MGAT5B: variants seen among roughly 807,000 people sequenced by gnomAD.
The protein encoded by MGAT5B is N-acetylglucosaminyl-transferase Vb.
A neutral mutation model predicts 95.1 loss-of-function variants in MGAT5B; 54 were observed. The ratio of observed to expected loss-of-function variants is 0.57; its 90% CI spans 0.46 to 0.71. The LOEUF (loss-of-function observed/expected upper bound fraction) is 0.71. Among genes scored for constraint, MGAT5B ranks in the 30% least tolerant of loss-of-function variants. The probability of loss-of-function intolerance (pLI) is 0.00; values close to 1 mark genes in which losing one functional copy is unlikely to be tolerated. For synonymous variants in MGAT5B, 464 were observed against 451.0 expected (o/e 1.03, Z -0.36); for missense variants, 935 against 1,088.6 (o/e 0.86, Z 1.99).
chr17:76,932,120 T>TCC (rs1388147820), intron 10 of MGAT5B, among the ~76,000 whole-genome samples: 3 of 118,876 alleles, frequency 2.5e-5, no homozygotes, highest in South Asian at 3.3e-4. Context: ...CTTCGTCTTC[T>TCC]TTGTCTTCTC....
intron 12 of MGAT5B, 99 bp downstream of exon 12, chr17:76,933,396 C>G (rs1353882216): frequency 6.7e-6 from 10 of 1,490,602 alleles, no homozygotes; most frequent in Non-Finnish European, 9.2e-6. Flanking sequence ...TCTCCTGACT[C>G]AGGCTCTCTG....
intron 3 of MGAT5B, among the ~76,000 whole-genome samples, chr17:76,893,660 T>G (rs1967962927): frequency 1.3e-5 from 2 of 152,148 alleles, no homozygotes; most frequent in South Asian, 4.1e-4. Flanking sequence ...AATTCAAGGT[T>G]TGTACCCTGG....
intron 13 of MGAT5B, among the ~76,000 whole-genome samples, chr17:76,939,006 C>T (rs1026170070): frequency 1.4e-4 from 20 of 144,392 alleles, no homozygotes; most frequent in African/African-American, 3.8e-4. Context: ...CTCACCATAG[C>T]TTGTTTCCCA....
In MGAT5B at chr17:76,940,388, C is replaced by A; in HGVS notation, c.1585-14C>A. ...CCCAGCCCTCCCTGATCACTGCGCC[C>A]CTTGACTCTGCAGCTCTTCATCGGG... On this transcript the variant is annotated splice_polypyrimidine_tract_variant and intron_variant, in intron 13 of 17. Coordinates refer to ENST00000569840, the MANE Select transcript of MGAT5B (RefSeq NM_001199172.2). The surrounding 1 kb of genome is among the most constrained non-coding windows in gnomAD (Gnocchi z 4.3). 6.3e-7 allele frequency: 1 copy of A among 1,589,768 alleles called. No homozygotes were observed. Among genetic ancestry groups the A allele is most frequent in the Non-Finnish European group, 8.6e-7 (1 of 1,167,014 alleles).
rs1437274981 is a variant in MGAT5B at position 76,918,292 on chromosome 17, C to A, written c.1026-6674C>A. 6.6e-6 allele frequency among the ~76,000 whole-genome samples: 1 copy of A among 151,756 alleles called. No homozygotes were observed. On this transcript the variant is annotated intron_variant, in intron 8 of 17. Transcript: ENST00000569840. The surrounding 1 kb of genome is among the most constrained non-coding windows in gnomAD (Gnocchi z 5.1). ...CTGTGCCTCCATCTGCCTTTGGACT[C>A]CCTTTTCCTCTGAGCCAGGGACCCT...
intron 12 of MGAT5B, among the ~76,000 whole-genome samples, chr17:76,936,532 G>A (rs1484557986): frequency 2.6e-5 from 4 of 152,176 alleles, no homozygotes; most frequent in African/African-American, 9.7e-5. Context: ...CTAACCCAAG[G>A]TTACAAAGAT....
At chr17:76,903,247 C>A in intron 4 of MGAT5B, 56 bp from the exon 5 acceptor site, 1 of 1,419,218 alleles carries the variant, frequency 7.0e-7, no homozygotes, top group Non-Finnish European at 9.7e-7. Flanking sequence ...CGCAGGCCTC[C>A]CTCCCTGGGC....
rs537320299 is a variant in MGAT5B at position 76,948,196 on chromosome 17, G to A, written c.2180+110G>A. Reference sequence around the variant, plus strand: ...GCCCTCAGCCCTGCCAGTGTGGGGGGATGTAATGCTTTCCAATGAGTCAGG... The same window carrying A: ...GCCCTCAGCCCTGCCAGTGTGGGGGAATGTAATGCTTTCCAATGAGTCAGG... On this transcript the variant is annotated intron_variant, in intron 17 of 17. Transcript: ENST00000569840. 6.1e-5 allele frequency: 88 copies of A among 1,451,110 alleles called. No individual in the cohort carries two copies. The Admixed American group carries it at 1.6e-3, about 27-fold the overall frequency. The allele number at this position is 1,451,110 out of a possible 1,614,324, so 89.9% of individuals were successfully genotyped here. A position where few individuals can be genotyped will look rare whatever the true frequency, so the allele number is the denominator to read the frequency against.
intron 8 of MGAT5B, 60 bp from the exon 9 acceptor site, chr17:76,924,906 G>C: frequency 6.3e-7 from 1 of 1,599,378 alleles, no homozygotes. Flanking sequence ...AAGGAACTGG[G>C]GTGGCCGGTT....
rs1007019672 is a variant in MGAT5B at position 76,915,393 on chromosome 17, C to T, written c.1025+9206C>T. ...TCTCTGACGGTTTCTATTTTATCTT[C>T]GATGCCGGAGGGGAGAGCATTTCCC... On this transcript the variant is annotated intron_variant, in intron 8 of 17. Coordinates refer to ENST00000569840, the MANE Select transcript of MGAT5B (RefSeq NM_001199172.2). The surrounding 1 kb of genome is among the most constrained non-coding windows in gnomAD (Gnocchi z 8.7). Among the ~76,000 whole-genome samples, 24 of 152,094 alleles carry T rather than the reference C, an allele frequency of 1.6e-4. No individual in the cohort carries two copies. The highest frequency in any genetic ancestry group is 7.7e-4 in the East Asian group (4 of 5,162).
chr17:76,948,593 GC>G, intron 17 of MGAT5B, 46 bp from the exon 18 acceptor site: 1 of 1,563,684 alleles, frequency 6.4e-7, no homozygotes, highest in East Asian at 2.3e-5. Flanking sequence ...CAGCCCTTCT[GC>G]CCAAGTGACC....
chr17:76,942,677 A>G (rs1969898757), intron 15 of MGAT5B, among the ~76,000 whole-genome samples: 4 of 152,226 alleles, frequency 2.6e-5, no homozygotes, highest in Admixed American at 2.0e-4. Flanking sequence ...ACCTCAGTGC[A>G]TAGGAAAGAA....
Position 76,947,871 on chromosome 17 carries a change from C to A in MGAT5B, c.1965C>A (p.His655Gln), listed in dbSNP as rs145474400. 2 of 1,597,572 alleles carry A rather than the reference C, an allele frequency of 1.3e-6. No homozygotes were observed. The highest frequency in any genetic ancestry group is 1.7e-4 in the Middle Eastern group (1 of 5,934). ...CAGACCCTGCCCTACCAGAGGCCCA[C>A]GCCCCGCAGAGCCCCTTTGTCCTGG... ...RAPDPALPEA[H>Q]APQSPFVLAP... Residue 655 changes from histidine (H) to glutamine (Q), a missense_variant, in exon 17 of 18, where the codon CAC (histidine) becomes CAA (glutamine). Physicochemically the swap from His to Gln is conservative, Grantham distance 24. Coordinates refer to ENST00000569840, the MANE Select transcript of MGAT5B (RefSeq NM_001199172.2).
At chr17:76,887,648 G>A (rs546190023) in intron 3 of MGAT5B, among the ~76,000 whole-genome samples, 1 of 150,268 alleles carries the variant, frequency 6.7e-6, no homozygotes, top group African/African-American at 2.4e-5. Context: ...CCGCCTCCAG[G>A]GTTCAAGCAA....
rs1323416707 is a variant in MGAT5B at position 76,926,743 on chromosome 17, C to A, written c.1291+13C>A. On this transcript the variant is annotated intron_variant, in intron 10 of 17. Transcript: ENST00000569840. ...ATGACCATGTTTCGTGAGTGCCCCA[C>A]AGGGCAGGGGTGGGGTCGGAGGTCC... is the stretch of plus-strand genomic sequence containing the variant. The A allele has an allele frequency of 6.2e-7, 1 of 1,612,132 alleles. No homozygotes were observed. The highest frequency in any genetic ancestry group is 8.5e-7 in the Non-Finnish European group (1 of 1,179,658).
At position 76,869,376 on chromosome 17, in the gene MGAT5B, CG is replaced by C. The variant is rs1227159288; in HGVS notation, c.68+280del. ...GAATGGGGGCAGAAAACCCCCAGGTCGTGGTCCTGGGCCCAGAAAGTTGCCC... is the reference window on the plus strand; with the variant it reads ...GAATGGGGGCAGAAAACCCCCAGGTCTGGTCCTGGGCCCAGAAAGTTGCCC... On this transcript the variant is annotated intron_variant, in intron 1 of 17. Coordinates refer to ENST00000569840, the MANE Select transcript of MGAT5B (RefSeq NM_001199172.2). This position sits in a 1 kb window ranked among gnomAD's most constrained non-coding sequence, Gnocchi z 7.0. Among the ~76,000 whole-genome samples, 1 of 152,044 alleles carries C rather than the reference CG, an allele frequency of 6.6e-6. No homozygotes were observed. The highest frequency in any genetic ancestry group is 1.9e-4 in the East Asian group (1 of 5,148).
chr17:76,939,029 GGTGTGTGTGTGTGTGTGTGT>G (rs372571720), intron 13 of MGAT5B, among the ~76,000 whole-genome samples: 2 of 128,188 alleles, frequency 1.6e-5, no homozygotes, highest in Non-Finnish European at 3.2e-5. Flanking sequence ...GCATCTTGGG[GGTGTGTGTGTGTGTGTGTGT>G]GTGTGTGTGT....
rs529203303 is a variant in MGAT5B at position 76,915,399 on chromosome 17, C to T, written c.1025+9212C>T. Among the ~76,000 whole-genome samples the T allele has an allele frequency of 4.3e-4, 66 of 152,050 alleles. No individual in the cohort carries two copies. Among genetic ancestry groups the T allele is most frequent in the Admixed American group, 2.7e-3 (42 of 15,280 alleles). ...ACGGTTTCTATTTTATCTTCGATGC[C>T]GGAGGGGAGAGCATTTCCCACAAGC... On this transcript the variant is annotated intron_variant, in intron 8 of 17. Transcript: ENST00000569840. The surrounding 1 kb of genome is among the most constrained non-coding windows in gnomAD (Gnocchi z 8.7).
At chr17:76,932,840 G>A (rs2145257495) in intron 11 of MGAT5B, 65 bp downstream of exon 11, 6 of 1,579,062 alleles carry the variant, frequency 3.8e-6, no homozygotes, top group South Asian at 1.2e-5. Context: ...CCTGGGTCCC[G>A]CATCTCCTCC....
Sources: allele counts gnomAD v4.1 joint callset (sites outside exome capture counted in the v4.1 genomes callset), GRCh38; gene constraint gnomAD v4.1.1; non-coding constraint Gnocchi (gnomAD v3.1); transcripts MANE v1.5; gene names NCBI Gene and HGNC (gene_info 2026-07-23, HGNC 2026-07-21).